The following MCM9 variants were observed in gnomAD, a reference collection of about 807,000 sequenced individuals.
MCM9 encodes the protein minichromosome maintenance 9 homologous recombination repair factor.
A neutral mutation model predicts 72.8 loss-of-function variants in MCM9; 55 were observed. The observed-to-expected ratio is 0.76, with a 90% CI of 0.61 to 0.95. MCM9 has a LOEUF of 0.95. Among genes scored for constraint, MCM9 ranks in the 40% least tolerant of loss-of-function variants. The pLI is 0.00. For synonymous variants in MCM9, 480 were observed against 503.4 expected (o/e 0.95, Z 0.62); for missense variants, 1,279 against 1,377.0 (o/e 0.93, Z 1.13).
At chr6:118,862,734 G>A (rs540097870) in intron 8 of MCM9, among the ~76,000 whole-genome samples, 102 of 152,186 alleles carry the variant, frequency 6.7e-4, no homozygotes, top group South Asian at 5.4e-3. Context: ...TGTGCAGCCC[G>A]GTTCCTAACA....
intron 8 of MCM9, chr6:118,900,897 G>C (rs1562430473): frequency 6.7e-7 from 1 of 1,502,646 alleles, no homozygotes; most frequent in Non-Finnish European, 9.3e-7. Context: ...ATTAATCTTG[G>C]TAAATGTGTA....
At chr6:118,837,271 G>C (rs1775027130) in intron 9 of MCM9, among the ~76,000 whole-genome samples, 1 of 152,168 alleles carries the variant, frequency 6.6e-6, no homozygotes, top group African/African-American at 2.4e-5. Context: ...GCTGAGGAGT[G>C]TTTTACTTCC....
At chr6:118,843,685 T>TATAC (rs1491548772) in intron 9 of MCM9, among the ~76,000 whole-genome samples, 16 of 27,064 alleles carry the variant, frequency 5.9e-4, no homozygotes, top group South Asian at 2.2e-3. Context: ...TATATATATA[T>TATAC]GTGTATATAT....
intron 11 of MCM9, 148 bp from the exon 12 acceptor site, chr6:118,827,012 C>T: frequency 3.0e-6 from 2 of 666,314 alleles, no homozygotes; most frequent in South Asian, 3.8e-5. Flanking sequence ...AGTCAACATT[C>T]AACTAGCTTT....
intron 8 of MCM9, among the ~76,000 whole-genome samples, chr6:118,863,287 T>G (rs1249141041): frequency 6.6e-6 from 1 of 152,222 alleles, no homozygotes; most frequent in African/African-American, 2.4e-5. Context: ...TTACACTACC[T>G]GTGAACAGGT....
chr6:118,913,813 G>A (rs187543157), intron 6 of MCM9, among the ~76,000 whole-genome samples: 9 of 152,142 alleles, frequency 5.9e-5, no homozygotes, highest in Admixed American at 5.9e-4. Context: ...ATGTTGCCCA[G>A]GCTGGTCTCA....
In MCM9 at chr6:118,927,224, C is replaced by T. The variant is rs144834344; in HGVS notation, c.305-3097G>A. Among the ~76,000 whole-genome samples, 192 of 152,274 alleles carry T rather than the reference C, an allele frequency of 1.3e-3. 2 individuals carry two copies. Among genetic ancestry groups the T allele is most frequent in the Non-Finnish European group, 1.4e-3 (92 of 68,030 alleles). ...AACTAAGATCAGGAGAACCACATTA[C>T]AGAAAATGTGGTGTTACTCTGACGT... is the stretch of plus-strand genomic sequence containing the variant. On this transcript the variant is annotated intron_variant, in intron 3 of 13. Coordinates refer to ENST00000619706, the MANE Select transcript of MCM9 (RefSeq NM_017696.3).
At chr6:118,868,219 T>A (rs2114291196) in intron 8 of MCM9, among the ~76,000 whole-genome samples, 1 of 152,284 alleles carries the variant, frequency 6.6e-6, no homozygotes, top group South Asian at 2.1e-4. Context: ...TTAAAAGAAC[T>A]AAAGCTACAA....
chr6:118,910,412 T>C (rs1206322137), intron 8 of MCM9, among the ~76,000 whole-genome samples: 1 of 152,182 alleles, frequency 6.6e-6, no homozygotes, highest in Non-Finnish European at 1.5e-5. Flanking sequence ...ATTTGGATTA[T>C]GATCTTTGCA....
intron 8 of MCM9, among the ~76,000 whole-genome samples, chr6:118,894,977 G>C (rs1779267890): frequency 6.6e-6 from 1 of 152,114 alleles, no homozygotes; most frequent in Non-Finnish European, 1.5e-5. Context: ...CGAGAATTGG[G>C]CCAGCGACCC....
In MCM9 at chr6:118,815,378, T is replaced by C. The variant is rs1773345114; in HGVS notation, c.2878A>G (p.Thr960Ala). The change falls in exon 14 of 14, where the codon ACA becomes GCA. Residue 960 changes from threonine (T) to alanine (A), a missense_variant. Thr to Ala is a moderately conservative substitution (Grantham distance 58). Coordinates refer to ENST00000619706, the MANE Select transcript of MCM9 (RefSeq NM_017696.3). Reference protein sequence around the residue: ...VHSPKISQRRTRRDAALPVKR... With the variant: ...VHSPKISQRRARRDAALPVKR... ...ACCGGCAAGGCTGCGTCTCTTCTTGTTCTACGCTGGGAAATTTTAGGACTA... is the reference window on the plus strand; with the variant it reads ...ACCGGCAAGGCTGCGTCTCTTCTTGCTCTACGCTGGGAAATTTTAGGACTA... 14 of 1,550,584 alleles carry C rather than the reference T, an allele frequency of 9.0e-6. No individual in the cohort carries two copies. Among genetic ancestry groups the C allele is most frequent in the Middle Eastern group, 1.7e-4 (1 of 5,988 alleles).
At chr6:118,840,739 CCCCT>C (rs1775304824) in intron 9 of MCM9, among the ~76,000 whole-genome samples, 2 of 105,432 alleles carry the variant, frequency 1.9e-5, no homozygotes, top group Admixed American at 1.3e-4. Context: ...TCCTCCCCCC[CCCCT>C]TTTTTTTTTT....
At chr6:118,860,551 T>C (rs972203461) in intron 8 of MCM9, among the ~76,000 whole-genome samples, 1 of 152,116 alleles carries the variant, frequency 6.6e-6, no homozygotes, top group African/African-American at 2.4e-5. Context: ...TGAAGCAATA[T>C]TGTGTAACAT....
In MCM9 at chr6:118,923,999, A is replaced by G; in HGVS notation, c.433T>C (p.Tyr145His). The change falls in exon 4 of 14, where the codon TAC becomes CAC. Residue 145 changes from tyrosine (Y) to histidine (H), a missense_variant. Tyr to His is a moderately conservative substitution (Grantham distance 83). Transcript: ENST00000619706. The part of the protein sequence containing the change: ...LVKVLEFERD[Y>H]MCNKCKHVFV... ...ACATGCTTGCATTTGTTACACATGT[A>G]ATCCCGCTCAAACTCCAGAACCTTC... The G allele has an allele frequency of 1.9e-6, 3 of 1,614,198 alleles. No homozygotes were observed. The highest frequency in any genetic ancestry group is 2.5e-6 in the Non-Finnish European group (3 of 1,180,026).
intron 8 of MCM9, among the ~76,000 whole-genome samples, chr6:118,909,924 C>T (rs927765606): frequency 3.9e-5 from 6 of 152,168 alleles, no homozygotes; most frequent in East Asian, 1.9e-4. Context: ...CAAGACCAGC[C>T]TGGCCAACAT....
At chr6:118,884,722 G>C (rs1778493326) in intron 8 of MCM9, among the ~76,000 whole-genome samples, 1 of 152,098 alleles carries the variant, frequency 6.6e-6, no homozygotes, top group African/African-American at 2.4e-5. Context: ...GAAAGTAAAA[G>C]GATGGAAAAA....
At position 118,829,172 on chromosome 6, in the gene MCM9, G is replaced by A. The variant is rs766157559; in HGVS notation, c.1404C>T (p.Ser468=). The part of the protein sequence containing the change: ...NPKGQYDPQE[S]VSVNIALGSP... ...TGCCGAGGGCAATGTTCACAGACAC[G>A]GACTCCTGGGGGTCGTACTGGCCTT... is the stretch of plus-strand genomic sequence containing the variant. The change falls in exon 10 of 14, where the codon TCC becomes TCT. Residue 468 remains serine, a synonymous_variant. Coordinates refer to ENST00000619706, the MANE Select transcript of MCM9 (RefSeq NM_017696.3). 322 of 1,550,602 alleles carry A rather than the reference G, an allele frequency of 2.1e-4. 1 individual carries two copies. The highest frequency in any genetic ancestry group is 1.3e-3 in the Middle Eastern group (8 of 5,992).
chr6:118,884,949 C>A (rs999066161), intron 8 of MCM9, among the ~76,000 whole-genome samples: 1 of 152,286 alleles, frequency 6.6e-6, no homozygotes, highest in Middle Eastern at 3.4e-3. Flanking sequence ...GTAATCCCAG[C>A]ACTTTAGGAG....
At chr6:118,893,896 G>A in intron 8 of MCM9, 3 of 376,078 alleles carry the variant, frequency 8.0e-6, no homozygotes, top group Non-Finnish European at 1.1e-5. Flanking sequence ...CCAACTGGAG[G>A]GGCGGGCGTC....
Sources: gnomAD v4.1 joint callset for allele counts (sites outside exome capture counted in the v4.1 genomes callset) on GRCh38, gnomAD v4.1.1 for gene constraint, MANE v1.5 for transcripts, NCBI Gene and HGNC (gene_info 2026-07-23, HGNC 2026-07-21) for gene names.